Variants in ZNG1E observed in about 807,000 individuals in gnomAD.
ZNG1E encodes Zn regulated GTPase metalloprotein activator 1E, also known as zinc-regulated GTPase metalloprotein activator 1E.
the ZNG1E span, among the ~76,000 whole-genome samples, chr9:65,675,307 C>A: frequency 6.6e-6 from 1 of 151,938 alleles, no homozygotes; most frequent in Non-Finnish European, 1.5e-5. Flanking sequence ...CATGCACCAG[C>A]AAATATGATT....
At chr9:65,717,875 T>C in the ZNG1E span, among the ~76,000 whole-genome samples, 1 of 146,152 alleles carries the variant, frequency 6.8e-6, no homozygotes, top group Non-Finnish European at 1.5e-5. Context: ...TGGTAGAAGA[T>C]GAGGTTTTGC....
chr9:65,659,759 C>T, the ZNG1E span, among the ~76,000 whole-genome samples: 3 of 152,170 alleles, frequency 2.0e-5, no homozygotes, highest in Admixed American at 6.6e-5. Context: ...GGACTCCCAA[C>T]TTCTGGAACT....
chr9:65,715,057 G>T, the ZNG1E span, among the ~76,000 whole-genome samples: 1 of 149,246 alleles, frequency 6.7e-6, no homozygotes, highest in Non-Finnish European at 1.5e-5. Context: ...GAGACTCCGT[G>T]GGCGTGGGAC....
chr9:65,680,403 A>G, the ZNG1E span, among the ~76,000 whole-genome samples: 2 of 152,146 alleles, frequency 1.3e-5, no homozygotes, highest in African/African-American at 2.4e-5. Context: ...TAAATAACCT[A>G]TTGCACACTG....
At chr9:65,710,356 T>G in the ZNG1E span, among the ~76,000 whole-genome samples, 1 of 148,796 alleles carries the variant, frequency 6.7e-6, no homozygotes, top group Non-Finnish European at 1.5e-5. Context: ...CTGTTTAGTT[T>G]AATTAGATCC....
At chr9:65,709,952 T>C in the ZNG1E span, among the ~76,000 whole-genome samples, 2 of 151,406 alleles carry the variant, frequency 1.3e-5, no homozygotes, top group African/African-American at 4.9e-5. Context: ...ATGGTTGAAC[T>C]AGTTTACAGT....
the ZNG1E span, among the ~76,000 whole-genome samples, chr9:65,687,827 T>A: frequency 6.6e-6 from 1 of 150,454 alleles, no homozygotes; most frequent in Non-Finnish European, 1.5e-5. Context: ...TGCCTGAGAG[T>A]TTTCTTCTTT....
At chr9:65,675,601 C>T in the ZNG1E span, among the ~76,000 whole-genome samples, 1 of 149,274 alleles carries the variant, frequency 6.7e-6, no homozygotes, top group Non-Finnish European at 1.5e-5. Context: ...AGGTTACCCA[C>T]TCCAGATTTC....
At chr9:65,703,473 G>T in the ZNG1E span, 1 of 732,352 alleles carries the variant, frequency 1.4e-6, no homozygotes, top group African/African-American at 2.4e-5. Flanking sequence ...TTTTCTCTAG[G>T]TTCTGTTCCT....
chr9:65,714,310 C>T, the ZNG1E span, among the ~76,000 whole-genome samples: 28 of 151,282 alleles, frequency 1.9e-4, no homozygotes, highest in African/African-American at 2.7e-4. Flanking sequence ...AATGTCCTCC[C>T]GTAGCTTGGA....
the ZNG1E span, among the ~76,000 whole-genome samples, chr9:65,686,503 G>A: frequency 6.6e-6 from 1 of 152,180 alleles, no homozygotes; most frequent in Non-Finnish European, 1.5e-5. Context: ...TGGCTTGGTG[G>A]TGGGAGCCTG....
At chr9:65,681,944 A>G in the ZNG1E span, 2 of 505,240 alleles carry the variant, frequency 4.0e-6, no homozygotes, top group African/African-American at 3.9e-5. Flanking sequence ...CTCATATGTA[A>G]AAAATGATTA....
the ZNG1E span, among the ~76,000 whole-genome samples, chr9:65,697,448 T>G: frequency 1.1e-5 from 1 of 91,728 alleles, no homozygotes; most frequent in African/African-American, 3.8e-5. Context: ...GGTGTTAGAT[T>G]TAGTTTCTTC....
the ZNG1E span, among the ~76,000 whole-genome samples, chr9:65,654,166 G>A: frequency 3.3e-5 from 5 of 151,902 alleles, no homozygotes; most frequent in East Asian, 3.9e-4. Flanking sequence ...GTTCTCATGA[G>A]ATCTGATGGT....
At chr9:65,717,616 T>G in the ZNG1E span, among the ~76,000 whole-genome samples, 372 of 149,214 alleles carry the variant, frequency 2.5e-3, no homozygotes, top group East Asian at 0.018. Flanking sequence ...TAGTTACAGA[T>G]CCTGTGATAC....
At chr9:65,687,794 C>T in the ZNG1E span, among the ~76,000 whole-genome samples, 2 of 129,540 alleles carry the variant, frequency 1.5e-5, no homozygotes, top group African/African-American at 2.9e-5. Flanking sequence ...CTTGAAGGCA[C>T]TTTTTTTTTT....
At chr9:65,700,069 C>T in the ZNG1E span, among the ~76,000 whole-genome samples, 21 of 148,166 alleles carry the variant, frequency 1.4e-4, no homozygotes, top group East Asian at 9.7e-4. Flanking sequence ...GAAAAGTTAG[C>T]GGATTAGGAG....
At chr9:65,691,687 G>T in the ZNG1E span, among the ~76,000 whole-genome samples, 3 of 152,188 alleles carry the variant, frequency 2.0e-5, no homozygotes, top group African/African-American at 7.2e-5. Context: ...GCAATATGAG[G>T]ATCATATTTT....
the ZNG1E span, among the ~76,000 whole-genome samples, chr9:65,674,002 T>C: frequency 3.3e-5 from 5 of 152,252 alleles, no homozygotes; most frequent in Admixed American, 6.5e-5. Context: ...TTCCCTTAGG[T>C]TGCCAAAAAA....
Sources: gnomAD v4.1 joint callset for allele counts (sites outside exome capture counted in the v4.1 genomes callset) on GRCh38, gnomAD v4.1.1 for gene constraint, MANE v1.5 for transcripts, NCBI Gene and HGNC (gene_info 2026-07-23, HGNC 2026-07-21) for gene names.